The following ITSN2 variants were observed in gnomAD, a reference collection of about 807,000 sequenced individuals.
ITSN2 encodes intersectin-2.
A neutral mutation model predicts 243.7 loss-of-function variants in ITSN2; 156 were observed. That is an observed-to-expected ratio of 0.64 (90% CI 0.56 to 0.73). ITSN2 has a LOEUF of 0.73. Among genes scored for constraint, ITSN2 ranks in the 30% least tolerant of loss-of-function variants. The pLI, the probability that ITSN2 is intolerant of heterozygous loss-of-function variation, is 0.00. For missense variants in ITSN2, 1,801 were observed against 1,996.1 expected (o/e 0.90, Z 1.86); for synonymous variants, 703 against 699.9 (o/e 1.00, Z -0.07).
Position 24,300,070 on chromosome 2 carries a change from G to A in ITSN2, c.1183C>T (p.Arg395Cys), listed in dbSNP as rs367839713. 160 of 1,613,612 alleles carry A rather than the reference G, an allele frequency of 9.9e-5. No homozygotes were observed. Among genetic ancestry groups the A allele is most frequent in the Admixed American group, 1.5e-4 (9 of 59,954 alleles). ...LMEQQQREAE[R>C]KAQKEKEEWE... ...TCTTCCTTTTCTTTCTGGGCTTTAC[G>A]TTCTGCCTCCCTTTGTTGCTGCTCC... The change falls in exon 12 of 40, where the codon CGT (arginine) becomes TGT (cysteine). Residue 395 changes from arginine (R) to cysteine (C), a missense_variant. By Grantham distance (180) the Arg-to-Cys change is radical. This residue lies in a region of ITSN2 where 787 missense variants were observed against 803.9 expected (regional missense o/e 0.98). Coordinates refer to ENST00000355123, the MANE Select transcript of ITSN2 (RefSeq NM_006277.3).
chr2:24,212,998 G>A (rs57468244), intron 32 of ITSN2, among the ~76,000 whole-genome samples: 1,551 of 152,162 alleles, frequency 0.01, 26 homozygotes, highest in African/African-American at 0.036. Flanking sequence ...AGGGGGCTTC[G>A]ACTTTCTTTT....
At chr2:24,209,063 C>T (rs753414815) in intron 36 of ITSN2, 37 bp downstream of exon 36, 2 of 1,608,930 alleles carry the variant, frequency 1.2e-6, no homozygotes, top group Admixed American at 1.7e-5. Flanking sequence ...GGCCTTCTCC[C>T]AGAGTTCAAG....
intron 2 of ITSN2, among the ~76,000 whole-genome samples, chr2:24,317,051 A>G (rs1684012510): frequency 6.6e-6 from 1 of 152,240 alleles, no homozygotes; most frequent in Non-Finnish European, 1.5e-5. Context: ...AAGAAGATAT[A>G]GACACTGGCC....
chr2:24,257,802 T>A (rs1675258128), intron 23 of ITSN2, 86 bp downstream of exon 23: 13 of 1,068,000 alleles, frequency 1.2e-5, no homozygotes, highest in Non-Finnish European at 1.9e-5. Flanking sequence ...AATTGTTATT[T>A]TATTATACAC....
At position 24,254,305 on chromosome 2, in the gene ITSN2, T is replaced by C. The variant is rs1276918843; in HGVS notation, c.2953+62A>G. On this transcript the variant is annotated intron_variant, in intron 24 of 39. Coordinates refer to ENST00000355123, the MANE Select transcript of ITSN2 (RefSeq NM_006277.3). ...TGTGAAGAACAGCAACTATGTGAAG[T>C]CAGGTAGTTAGTCAAGAGCTAAATT... 5 of 1,037,168 alleles carry C rather than the reference T, an allele frequency of 4.8e-6. No homozygotes were observed. The Admixed American group carries it at 5.1e-5, about 11-fold the overall frequency. 64.2% of individuals were successfully genotyped at this position (1,037,168 alleles called of 1,614,324 possible).
intron 37 of ITSN2, among the ~76,000 whole-genome samples, chr2:24,206,816 C>T (rs950177101): frequency 2.0e-5 from 3 of 152,124 alleles, no homozygotes; most frequent in African/African-American, 7.2e-5. Flanking sequence ...AGGATGATCG[C>T]AGCCTCAGGA....
intron 7 of ITSN2, chr2:24,308,989 G>C (rs745874212): frequency 4.0e-6 from 2 of 499,424 alleles, no homozygotes; most frequent in Non-Finnish European, 7.9e-6. Flanking sequence ...TCTCATAAGA[G>C]TGCAAACCCT....
At chr2:24,206,561 C>T (rs1374606806) in intron 37 of ITSN2, among the ~76,000 whole-genome samples, 9 of 118,618 alleles carry the variant, frequency 7.6e-5, no homozygotes, top group African/African-American at 2.3e-4. Flanking sequence ...CTGAAGGCCA[C>T]GGTGGGGCAG....
intron 24 of ITSN2, among the ~76,000 whole-genome samples, chr2:24,253,048 G>A (rs1429727944): frequency 6.6e-6 from 1 of 152,172 alleles, no homozygotes; most frequent in Non-Finnish European, 1.5e-5. Context: ...GCTTGACTTG[G>A]AGTAGACGCT....
intron 8 of ITSN2, among the ~76,000 whole-genome samples, chr2:24,307,942 A>G (rs533615755): frequency 7.2e-5 from 11 of 152,288 alleles, no homozygotes; most frequent in African/African-American, 2.4e-4. Context: ...ATCTCATTCT[A>G]TGTTCCTTAG....
chr2:24,301,776 T>C (rs1681777937), intron 10 of ITSN2, among the ~76,000 whole-genome samples, 189 bp downstream of exon 10: 1 of 152,180 alleles, frequency 6.6e-6, no homozygotes, highest in Non-Finnish European at 1.5e-5. Flanking sequence ...TCCTCCCACC[T>C]TGGCTCCCAG....
At chr2:24,325,284 C>A (rs966882608) in intron 2 of ITSN2, among the ~76,000 whole-genome samples, 1 of 151,986 alleles carries the variant, frequency 6.6e-6, no homozygotes, top group Non-Finnish European at 1.5e-5. Flanking sequence ...GTGGCTCACA[C>A]CTGTGGTCCC....
rs1252252523 is a variant in ITSN2 at position 24,211,912 on chromosome 2, A to C, written c.4089+738T>G. Among the ~76,000 whole-genome samples, 1 of 152,220 alleles carries C rather than the reference A, an allele frequency of 6.6e-6. No homozygotes were observed. The highest frequency in any genetic ancestry group is 1.9e-4 in the East Asian group (1 of 5,206). ...CCTGCATTATGGTTCAGTTTAGTGC[A>C]GGCGTCTATCACATGAGGTCTATGT... On this transcript the variant is annotated intron_variant, in intron 33 of 39. Transcript: ENST00000355123. The surrounding 1 kb of genome is among the most constrained non-coding windows in gnomAD (Gnocchi z 4.1).
At chr2:24,215,807 T>C (rs1337890175) in intron 32 of ITSN2, among the ~76,000 whole-genome samples, 2 of 151,928 alleles carry the variant, frequency 1.3e-5, no homozygotes, top group Admixed American at 6.6e-5. Flanking sequence ...TAAGTAAGTA[T>C]GCTTAAAAAA....
intron 17 of ITSN2, among the ~76,000 whole-genome samples, chr2:24,282,265 G>C (rs1249426113): frequency 6.6e-6 from 1 of 152,220 alleles, no homozygotes; most frequent in Non-Finnish European, 1.5e-5. Context: ...CGGTGGAAGA[G>C]CATGTCAACA....
intron 14 of ITSN2, 33 bp downstream of exon 14, chr2:24,295,631 T>C (rs201770581): frequency 1.2e-4 from 174 of 1,470,840 alleles, no homozygotes; most frequent in Middle Eastern, 7.1e-4. Flanking sequence ...TAATTGTACA[T>C]GTTTAAGAAC....
In ITSN2 at chr2:24,217,920, T is replaced by C; in HGVS notation, c.3793A>G (p.Thr1265Ala). 1 of 1,612,998 alleles carries C rather than the reference T, an allele frequency of 6.2e-7. No individual in the cohort carries two copies. The highest frequency in any genetic ancestry group is 2.2e-5 in the East Asian group (1 of 44,876). The change falls in exon 31 of 40, where the codon ACA becomes GCA. Residue 1265 changes from threonine (T) to alanine (A), a missense_variant. Thr to Ala is a moderately conservative substitution (Grantham distance 58, BLOSUM62 0). This residue lies in a region of ITSN2 where 928 missense variants were observed against 1,065.4 expected (regional missense o/e 0.87). Transcript: ENST00000355123. ...VNWKELIMSN[T>A]KLLKALRVRK... ...CTCAGGACTCACTTCAGCAGCTTTG[T>C]GTTGGACATGATGAGCTCCTTCCAG...
upstream of ITSN2, among the ~76,000 whole-genome samples, chr2:24,361,240 G>A (rs1225361267): frequency 6.6e-6 from 1 of 152,036 alleles, no homozygotes; most frequent in Non-Finnish European, 1.5e-5. Context: ...CCCACCCCTC[G>A]CCAAGGGACA....
chr2:24,261,302 G>C (rs763790826), intron 21 of ITSN2, 52 bp from the exon 22 acceptor site: 8 of 1,301,764 alleles, frequency 6.1e-6, no homozygotes, highest in Non-Finnish European at 8.7e-6. Flanking sequence ...AGAACTTAAT[G>C]AAGTACTACC....
Sources: gnomAD v4.1 joint callset for allele counts (sites outside exome capture counted in the v4.1 genomes callset) on GRCh38, gnomAD v4.1.1 for gene constraint, gnomAD v4.1.1 regional missense constraint, Gnocchi (gnomAD v3.1) non-coding constraint, MANE v1.5 for transcripts, NCBI Gene and HGNC (gene_info 2026-07-23, HGNC 2026-07-21) for gene names.